Variants in WDFY1 observed in about 807,000 individuals in gnomAD.
WDFY1 encodes the protein WD repeat and FYVE domain containing 1, also known as WD repeat and FYVE domain-containing protein 1.
Under a neutral mutation model 56.4 loss-of-function variants are expected in WDFY1, and 32 were observed. The observed-to-expected ratio is 0.57, with a 90% CI of 0.43 to 0.76. The LOEUF (loss-of-function observed/expected upper bound fraction) is 0.76. Ranked by LOEUF, WDFY1 falls within the 30% of genes least tolerant of loss-of-function variation. WDFY1 has a pLI of 0.00. For missense variants in WDFY1, 480 were observed against 545.7 expected, an observed-to-expected ratio of 0.88 and a Z score of 1.20; for synonymous variants, 192 against 197.3, an observed-to-expected ratio of 0.97 and a Z score of 0.23.
At chr2:223,920,142 T>C (rs1693864790) in intron 1 of WDFY1, among the ~76,000 whole-genome samples, 1 of 152,222 alleles carries the variant, frequency 6.6e-6, no homozygotes, top group Non-Finnish European at 1.5e-5. Flanking sequence ...TGAAGAAATA[T>C]TTTCAATGCA....
chr2:223,890,945 G>A (rs1278185252), intron 8 of WDFY1, among the ~76,000 whole-genome samples: 5 of 152,148 alleles, frequency 3.3e-5, no homozygotes, highest in Admixed American at 6.5e-5. Flanking sequence ...ACTCGACAGC[G>A]TAGTGGTTGA....
intron 5 of WDFY1, 189 bp from the exon 6 acceptor site, chr2:223,899,259 G>T (rs1693459807): frequency 1.9e-6 from 1 of 513,260 alleles, no homozygotes; most frequent in South Asian, 2.9e-5. Flanking sequence ...TGTAAATATT[G>T]AAGGTAAAAA....
intron 1 of WDFY1, among the ~76,000 whole-genome samples, chr2:223,939,169 G>A (rs949550633): frequency 3.3e-5 from 5 of 152,192 alleles, no homozygotes; most frequent in Non-Finnish European, 5.9e-5. Flanking sequence ...TGGCAGAAAT[G>A]CCAACTCTCA....
chr2:223,925,705 T>G (rs920228068), intron 1 of WDFY1, among the ~76,000 whole-genome samples: 1 of 152,260 alleles, frequency 6.6e-6, no homozygotes, highest in Non-Finnish European at 1.5e-5. Context: ...ATCTTCTTAA[T>G]GCCTGCTGCT....
At chr2:223,887,783 TAAAG>T (rs915884913) in intron 8 of WDFY1, among the ~76,000 whole-genome samples, 18 of 152,256 alleles carry the variant, frequency 1.2e-4, no homozygotes, top group Non-Finnish European at 2.1e-4. Context: ...TTAAAAAAAA[TAAAG>T]AAAAATCACT....
intron 1 of WDFY1, among the ~76,000 whole-genome samples, chr2:223,927,026 G>A (rs577167784): frequency 6.6e-6 from 1 of 152,036 alleles, no homozygotes; most frequent in African/African-American, 2.4e-5. Context: ...CTCAACAATG[G>A]GCCTAAAATA....
chr2:223,880,196 A>T lies in WDFY1; in HGVS notation c.1101T>A (p.His367Gln). 2 of 1,614,172 alleles carry T rather than the reference A, an allele frequency of 1.2e-6. No homozygotes were observed. Among genetic ancestry groups the T allele is most frequent in the Non-Finnish European group, 1.7e-6 (2 of 1,179,994 alleles). The change falls in exon 11 of 12, where the codon CAT (histidine) becomes CAA (glutamine). Residue 367 changes from histidine to glutamine, a missense_variant. His to Gln is a conservative substitution (Grantham distance 24). Coordinates refer to ENST00000233055, the MANE Select transcript of WDFY1 (RefSeq NM_020830.5). ...TSLATFHEGKHNISHMSMDIA... is the reference protein window; with the variant it reads ...TSLATFHEGKQNISHMSMDIA... The stretch of plus-strand genomic sequence containing the variant: ...TGTCCATGGACATGTGGGAAATGTT[A>T]TGTTTTCCTTCATGAAAGGTCGCTA...
At chr2:223,885,393 C>T (rs1004547351) in intron 8 of WDFY1, among the ~76,000 whole-genome samples, 1 of 151,944 alleles carries the variant, frequency 6.6e-6, no homozygotes, top group Non-Finnish European at 1.5e-5. Context: ...GACAGGATCT[C>T]ACTATATTTC....
At chr2:223,917,554 T>C (rs1210609431) in intron 2 of WDFY1, among the ~76,000 whole-genome samples, 1 of 152,148 alleles carries the variant, frequency 6.6e-6, no homozygotes, top group Non-Finnish European at 1.5e-5. Context: ...AGCAGCAATA[T>C]TTAATCAGAC....
intron 1 of WDFY1, among the ~76,000 whole-genome samples, chr2:223,937,192 T>C (rs532828503): frequency 2.0e-5 from 3 of 152,346 alleles, no homozygotes; most frequent in African/African-American, 7.2e-5. Flanking sequence ...TCTAAGAATT[T>C]AGGATTGTAA....
intron 1 of WDFY1, among the ~76,000 whole-genome samples, chr2:223,928,375 T>C (rs1172887770): frequency 6.6e-6 from 1 of 152,042 alleles, no homozygotes; most frequent in South Asian, 2.1e-4. Flanking sequence ...GGGAGGCTGA[T>C]AAAGGACAGG....
intron 7 of WDFY1, 25 bp downstream of exon 7, chr2:223,895,479 C>G: frequency 1.9e-6 from 3 of 1,613,564 alleles, no homozygotes; most frequent in Non-Finnish European, 2.5e-6. Flanking sequence ...GGATTCTTTC[C>G]CCACCCCCAC....
chr2:223,944,192 G>A, intron 1 of WDFY1, among the ~76,000 whole-genome samples: 1 of 152,232 alleles, frequency 6.6e-6, no homozygotes, highest in Non-Finnish European at 1.5e-5. Flanking sequence ...CCTGAGTACA[G>A]GGGGAGGAAG....
At chr2:223,942,527 C>CA in intron 1 of WDFY1, among the ~76,000 whole-genome samples, 1 of 74,238 alleles carries the variant, frequency 1.3e-5, no homozygotes, top group South Asian at 4.7e-4. Context: ...CAAAGGCTAA[C>CA]TTTTTTTTTT....
chr2:223,879,982 C>G (rs976357795), intron 11 of WDFY1, 142 bp downstream of exon 11: 15 of 727,324 alleles, frequency 2.1e-5, no homozygotes, highest in Non-Finnish European at 3.6e-5. Flanking sequence ...CAGAGGCAAG[C>G]AATTTGTTAC....
Position 223,877,070 on chromosome 2 carries a change from T to C in WDFY1, c.*1601A>G, listed in dbSNP as rs1692984064. 6.6e-6 allele frequency: 1 copy of C among 152,242 alleles called. No individual in the cohort carries two copies. Among genetic ancestry groups the C allele is most frequent in the African/African-American group, 2.4e-5 (1 of 41,468 alleles). 9.4% of individuals were successfully genotyped at this position (152,242 alleles called of 1,614,324 possible). A position where few individuals can be genotyped will look rare whatever the true frequency, so the allele number is the denominator to read the frequency against. On this transcript the variant is annotated 3_prime_UTR_variant, in exon 12 of 12. Transcript: ENST00000233055. ...GGAACAACAAAACCCTTCAGTCTTA[T>C]TTCTGAAGACAAGTCTATGTTTAAT...
chr2:223,901,287 C>T lies in WDFY1; in HGVS notation c.381G>A (p.Glu127=), dbSNP rs779246624. The T allele has an allele frequency of 1.9e-6, 3 of 1,614,148 alleles. No homozygotes were observed. In the Admixed American group the frequency reaches 5.0e-5, roughly 27 times the overall value. The change falls in exon 5 of 12, where the codon GAG becomes GAA. Residue 127 remains glutamate, a synonymous_variant. Coordinates refer to ENST00000233055, the MANE Select transcript of WDFY1 (RefSeq NM_020830.5). ...TGTCGTGGCCGGTACTGATCACCCA[C>T]TCTGTGGCCAAGCTGAAGATAATCG... ...VSAIIFSLAT[E]WVISTGHDKC... is the part of the protein sequence containing the mutation.
At chr2:223,943,874 G>T (rs1224616719) in intron 1 of WDFY1, among the ~76,000 whole-genome samples, 1 of 152,184 alleles carries the variant, frequency 6.6e-6, no homozygotes, top group Admixed American at 6.5e-5. Flanking sequence ...TTCCTCTTAG[G>T]AGAAATGAGA....
rs79540172 is a variant in WDFY1 at position 223,878,476 on chromosome 2, C to T, written c.*195G>A. Reference sequence around the variant, plus strand: ...TCTTCAGGGAACCACTATGGACAGACCTTTTCCATATTAGTCCCCATGGGT... The same window carrying T: ...TCTTCAGGGAACCACTATGGACAGATCTTTTCCATATTAGTCCCCATGGGT... On this transcript the variant is annotated 3_prime_UTR_variant, in exon 12 of 12. Transcript: ENST00000233055. 3.6e-6 allele frequency: 2 copies of T among 550,874 alleles called. No homozygotes were observed. The highest frequency in any genetic ancestry group is 1.9e-5 in the African/African-American group (1 of 52,018). The allele number at this position is 550,874 out of a possible 1,614,324, so 34.1% of individuals were successfully genotyped here.
Sources: allele counts gnomAD v4.1 joint callset (sites outside exome capture counted in the v4.1 genomes callset), GRCh38; gene constraint gnomAD v4.1.1; transcripts MANE v1.5; gene names NCBI Gene and HGNC (gene_info 2026-07-23, HGNC 2026-07-21).